The following MRPL45 variants were observed in gnomAD, a reference collection of about 807,000 sequenced individuals.
MRPL45 encodes mitochondrial ribosomal protein L45, also known as large ribosomal subunit protein mL45.
A neutral mutation model predicts 38.1 loss-of-function variants in MRPL45; 20 were observed. The ratio of observed to expected loss-of-function variants is 0.53; its 90% CI spans 0.37 to 0.76. The LOEUF (loss-of-function observed/expected upper bound fraction) is 0.76. Among genes scored for constraint, MRPL45 ranks in the 30% least tolerant of loss-of-function variants. MRPL45 has a pLI of 0.00. For synonymous variants in MRPL45, 105 were observed against 128.8 expected, an observed-to-expected ratio of 0.82 and a Z score of 1.25; for missense variants, 337 against 395.6, an observed-to-expected ratio of 0.85 and a Z score of 1.26.
At chr17:38,313,041 G>T (rs1193670150) in intron 4 of MRPL45, among the ~76,000 whole-genome samples, 5 of 134,476 alleles carry the variant, frequency 3.7e-5, no homozygotes, top group Admixed American at 2.5e-4. Flanking sequence ...CTGGAGTGCA[G>T]TGGCACAATC....
intron 3 of MRPL45, among the ~76,000 whole-genome samples, chr17:38,305,069 G>A (rs1171413124): frequency 2.0e-5 from 3 of 150,198 alleles, no homozygotes; most frequent in Admixed American, 1.3e-4. Context: ...ATGATCTCGA[G>A]CTCCTGACCT....
chr17:38,305,048 T>C (rs1042808124), intron 3 of MRPL45, among the ~76,000 whole-genome samples: 1 of 150,214 alleles, frequency 6.7e-6, no homozygotes, highest in Non-Finnish European at 1.5e-5. Flanking sequence ...GGTTTCACCA[T>C]GTTGGCCAGG....
chr17:38,305,462 C>G (rs1004044123), intron 3 of MRPL45, among the ~76,000 whole-genome samples: 4 of 142,500 alleles, frequency 2.8e-5, no homozygotes, highest in African/African-American at 1.1e-4. Context: ...GTGCGAGACT[C>G]TGTCTCAAAA....
intron 4 of MRPL45, among the ~76,000 whole-genome samples, chr17:38,312,556 A>C (rs1482230216): frequency 6.6e-6 from 1 of 152,118 alleles, no homozygotes; most frequent in Non-Finnish European, 1.5e-5. Flanking sequence ...TTGTTGGATC[A>C]CATGATAACT....
At chr17:38,302,389 A>T (rs2037005903) in intron 3 of MRPL45, among the ~76,000 whole-genome samples, 1 of 143,754 alleles carries the variant, frequency 7.0e-6, no homozygotes, top group Non-Finnish European at 1.5e-5. Flanking sequence ...CGGAAGGCTG[A>T]GGCAGGAGAA....
Position 38,313,383 on chromosome 17 carries a change from T to C in MRPL45, c.462-5304T>C, listed in dbSNP as rs1389551425. ...ATATATATACGTATATATATATATA[T>C]ACATATATATATATATATATGAGAG... On this transcript the variant is annotated intron_variant, in intron 4 of 7. Transcript: ENST00000613675. Among the ~76,000 whole-genome samples, 57 of 25,128 alleles carry C rather than the reference T, an allele frequency of 2.3e-3. 2 individuals are homozygous for C. The highest frequency in any genetic ancestry group is 4.1e-3 in the African/African-American group (29 of 7,150). 16.5% of individuals were successfully genotyped at this position (25,128 alleles called of 152,430 possible).
At chr17:38,321,349 T>C (rs1390549311) in intron 6 of MRPL45, among the ~76,000 whole-genome samples, 2 of 152,186 alleles carry the variant, frequency 1.3e-5, no homozygotes, top group African/African-American at 4.8e-5. Flanking sequence ...CAGTAGTTGA[T>C]CAGATAGTCC....
intron 4 of MRPL45, among the ~76,000 whole-genome samples, chr17:38,317,274 G>A (rs952927347): frequency 1.3e-5 from 2 of 152,148 alleles, no homozygotes; most frequent in African/African-American, 4.8e-5. Context: ...TGTCACCACA[G>A]CTCAGTCTGT....
At chr17:38,322,464 G>A (rs375097148) in intron 7 of MRPL45, 45 bp from the exon 8 acceptor site, 917 of 1,545,994 alleles carry the variant, frequency 5.9e-4, no homozygotes, top group Non-Finnish European at 7.3e-4. Flanking sequence ...TTCTGGGTCA[G>A]CCATGGGCTT....
intron 4 of MRPL45, among the ~76,000 whole-genome samples, chr17:38,310,390 G>A (rs2037100380): frequency 6.6e-6 from 1 of 150,472 alleles, no homozygotes; most frequent in African/African-American, 2.4e-5. Flanking sequence ...GTGCAGTGGT[G>A]TGATCTCCGC....
At chr17:38,311,328 G>C (rs1006046947) in intron 4 of MRPL45, among the ~76,000 whole-genome samples, 4 of 152,150 alleles carry the variant, frequency 2.6e-5, no homozygotes, top group Non-Finnish European at 5.9e-5. Context: ...GCTGTGGGGG[G>C]CCCTCTGGGA....
rs370020241 is a variant in MRPL45, at chr17:38,317,202, A to G, written c.462-1485A>G. ...GAGTTTATTTCCACTGAAGACTTCT[A>G]TGCCAGGATAGTGGGGAGGAAGAGT... is the stretch of plus-strand genomic sequence containing the variant. On this transcript the variant is annotated intron_variant, in intron 4 of 7. Transcript: ENST00000613675. Among the ~76,000 whole-genome samples the G allele has an allele frequency of 9.2e-5, 14 of 152,352 alleles. No homozygotes were observed. The East Asian group carries it at 2.3e-3, about 25-fold the overall frequency.
chr17:38,310,397 C>CAGA, intron 4 of MRPL45, among the ~76,000 whole-genome samples: 1 of 150,844 alleles, frequency 6.6e-6, no homozygotes, highest in East Asian at 2.0e-4. Flanking sequence ...GGTGTGATCT[C>CAGA]CGCTCACTGC....
chr17:38,313,352 ATATATATATATATACG>A (rs1350098326), intron 4 of MRPL45, among the ~76,000 whole-genome samples: 3 of 18,424 alleles, frequency 1.6e-4, no homozygotes, highest in African/African-American at 4.8e-4. Flanking sequence ...ATATACGTAT[ATATATATATATATACG>A]TATATATATA....
At chr17:38,310,559 C>T (rs1036411418) in intron 4 of MRPL45, among the ~76,000 whole-genome samples, 4 of 152,128 alleles carry the variant, frequency 2.6e-5, no homozygotes, top group African/African-American at 9.7e-5. Context: ...GAACTCCTGA[C>T]TTCAGGTGAT....
At chr17:38,308,861 T>G (rs2037080195) in intron 4 of MRPL45, among the ~76,000 whole-genome samples, 1 of 145,134 alleles carries the variant, frequency 6.9e-6, no homozygotes, top group Admixed American at 6.7e-5. Context: ...GAAATTAACT[T>G]TTTTTTTTTT....
Position 38,298,574 on chromosome 17 carries a change from A to T in MRPL45, c.192A>T (p.Gly64=), listed in dbSNP as rs2036960167. The change falls in exon 2 of 8, where the codon GGA becomes GGT. Residue 64 remains glycine (G), a synonymous_variant. Transcript: ENST00000613675. ...TTATGCAACATGCCCGGAAAGCAGG[A>T]TTGGTTATTCCTCCAGAAAAATCGG... The part of the protein sequence containing the change: ...KEFMQHARKA[G]LVIPPEKSDR... 1.2e-6 allele frequency: 2 copies of T among 1,613,566 alleles called. No homozygotes were observed. Among genetic ancestry groups the T allele is most frequent in the Non-Finnish European group, 1.7e-6 (2 of 1,179,726 alleles).
At chr17:38,297,817 G>A (rs1286137257) in intron 1 of MRPL45, among the ~76,000 whole-genome samples, 5 of 152,182 alleles carry the variant, frequency 3.3e-5, no homozygotes, top group African/African-American at 9.7e-5. Flanking sequence ...AGCATTCAGG[G>A]CCCGGCGCGG....
At chr17:38,319,017 A>ATTTATTTG (rs1555562704) in intron 5 of MRPL45, among the ~76,000 whole-genome samples, 15 of 144,084 alleles carry the variant, frequency 1.0e-4, no homozygotes, top group Admixed American at 2.1e-4. Flanking sequence ...TTATTTATTT[A>ATTTATTTG]TTTATTTATT....
Sources: gnomAD v4.1 joint callset for allele counts (sites outside exome capture counted in the v4.1 genomes callset) on GRCh38, gnomAD v4.1.1 for gene constraint, MANE v1.5 for transcripts, NCBI Gene and HGNC (gene_info 2026-07-23, HGNC 2026-07-21) for gene names.